OTUD7A: variants seen among roughly 807,000 people sequenced by gnomAD.
The protein encoded by OTUD7A is OTU domain-containing protein 7A.
A neutral mutation model predicts 65.7 loss-of-function variants in OTUD7A; 12 were observed. The observed-to-expected ratio is 0.18, with a 90% CI of 0.12 to 0.30. The LOEUF (loss-of-function observed/expected upper bound fraction) is 0.30, where lower values mean the gene tolerates loss of function less well. OTUD7A is among the 10% of genes least tolerant of loss of function. The probability of loss-of-function intolerance (pLI) is 1.00; values close to 1 mark genes in which losing one functional copy is unlikely to be tolerated. For missense variants in OTUD7A, 1,148 were observed against 1,304.8 expected (o/e 0.88, Z 1.85); for synonymous variants, 641 against 586.3 (o/e 1.09, Z -1.35).
At chr15:31,766,784 A>G in intron 1 of OTUD7A, 3 of 1,613,050 alleles carry the variant, frequency 1.9e-6, no homozygotes, top group Non-Finnish European at 2.5e-6. Context: ...TGAAGATTCA[A>G]CAGGAATTCC....
intron 1 of OTUD7A, among the ~76,000 whole-genome samples, chr15:31,861,627 C>T (rs1345446406): frequency 1.3e-5 from 2 of 152,154 alleles, no homozygotes; most frequent in African/African-American, 4.8e-5. Flanking sequence ...GACCCAAGAG[C>T]TGAGTTCACA....
chr15:31,620,092 C>T (rs1242371897), intron 3 of OTUD7A, among the ~76,000 whole-genome samples: 2 of 152,158 alleles, frequency 1.3e-5, no homozygotes, highest in African/African-American at 2.4e-5. Context: ...TATGTTGAAC[C>T]AGCCTTGCAT....
chr15:31,833,525 G>C (rs747069080), intron 1 of OTUD7A, among the ~76,000 whole-genome samples: 72 of 152,246 alleles, frequency 4.7e-4, no homozygotes, highest in Non-Finnish European at 9.0e-4. Flanking sequence ...CTTGCAGCAA[G>C]TGGTATTTAT....
At position 31,771,154 on chromosome 15, in the gene OTUD7A, G is replaced by T. The variant is rs572166547; in HGVS notation, c.-100+99353C>A. On this transcript the variant is annotated intron_variant, in intron 1 of 12. Transcript: ENST00000307050. The stretch of plus-strand genomic sequence containing the variant: ...AGTTTTTTAGAAAATTATAAAAAAT[G>T]TACAGAAAAATTACTAGAACTAACA... 5.9e-5 allele frequency among the ~76,000 whole-genome samples: 9 copies of T among 152,306 alleles called. No individual in the cohort carries two copies. The South Asian group carries it at 1.2e-3, about 21-fold the overall frequency.
intron 3 of OTUD7A, among the ~76,000 whole-genome samples, chr15:31,586,362 T>C (rs977026635): frequency 1.5e-4 from 23 of 152,200 alleles, no homozygotes; most frequent in African/African-American, 4.6e-4. Context: ...ACAACATGGC[T>C]ATGGTGTGTT....
rs146123019 is a variant in OTUD7A at position 31,596,178 on chromosome 15, A to G, written c.152-25981T>C. Among the ~76,000 whole-genome samples, 4 of 152,300 alleles carry G rather than the reference A, an allele frequency of 2.6e-5. No homozygotes were observed. The East Asian group carries it at 7.7e-4, about 29-fold the overall frequency. The stretch of plus-strand genomic sequence containing the variant: ...AACAGGAATCTTGAGGGACATCTGT[A>G]GAATCTTGTCTTCTACATGGCCCCT... On this transcript the variant is annotated intron_variant, in intron 3 of 12. Transcript: ENST00000307050.
chr15:31,594,555 C>T (rs1170211719), intron 3 of OTUD7A, among the ~76,000 whole-genome samples: 1 of 152,222 alleles, frequency 6.6e-6, no homozygotes, highest in East Asian at 1.9e-4. Context: ...GCCAGGTCAT[C>T]AAGCCCAGAG....
intron 6 of OTUD7A, 54 bp from the exon 7 acceptor site, chr15:31,527,362 A>G (rs1320817004): frequency 1.0e-5 from 16 of 1,586,432 alleles, no homozygotes; most frequent in Non-Finnish European, 1.3e-5. Flanking sequence ...GAGAAAAGAC[A>G]AGCCAGAGGT....
chr15:31,634,373 G>A (rs1242720812), intron 3 of OTUD7A, among the ~76,000 whole-genome samples: 3 of 152,154 alleles, frequency 2.0e-5, no homozygotes, highest in East Asian at 1.9e-4. Context: ...ATGACCTCGC[G>A]TTGGGTGTCT....
At chr15:31,838,657 A>AC (rs5811666) in intron 1 of OTUD7A, among the ~76,000 whole-genome samples, 3,739 of 144,640 alleles carry the variant, frequency 0.026, 63 homozygotes, top group African/African-American at 0.047. Flanking sequence ...GATCTCAAAG[A>AC]CCCCCCCCCA....
intron 1 of OTUD7A, among the ~76,000 whole-genome samples, chr15:31,720,187 G>A (rs1013165397): frequency 6.7e-6 from 1 of 150,066 alleles, no homozygotes; most frequent in Non-Finnish European, 1.5e-5. Context: ...AGACTAACAG[G>A]GAGCCCGGTG....
At chr15:31,698,416 A>C (rs990110758) in intron 1 of OTUD7A, among the ~76,000 whole-genome samples, 3 of 152,136 alleles carry the variant, frequency 2.0e-5, no homozygotes, top group African/African-American at 7.2e-5. Context: ...GGCACTGACA[A>C]GCCTGAACAG....
chr15:31,783,450 A>C (rs746768246), intron 1 of OTUD7A, among the ~76,000 whole-genome samples: 2 of 152,210 alleles, frequency 1.3e-5, no homozygotes, highest in African/African-American at 4.8e-5. Context: ...AAGCCGCACA[A>C]ATTAAGGCAA....
intron 10 of OTUD7A, among the ~76,000 whole-genome samples, chr15:31,494,732 A>G (rs1457243043): frequency 6.6e-6 from 1 of 152,124 alleles, no homozygotes; most frequent in Non-Finnish European, 1.5e-5. Context: ...AGAGAGCAGA[A>G]CCAGGATGTC....
At chr15:31,840,199 C>A (rs1270980306) in intron 1 of OTUD7A, among the ~76,000 whole-genome samples, 1 of 152,090 alleles carries the variant, frequency 6.6e-6, no homozygotes, top group Admixed American at 6.5e-5. Flanking sequence ...GTGAGTGGAT[C>A]ACCTGAGGTC....
intron 1 of OTUD7A, among the ~76,000 whole-genome samples, chr15:31,863,422 C>T (rs934387934): frequency 2.6e-5 from 4 of 152,222 alleles, no homozygotes; most frequent in Non-Finnish European, 5.9e-5. Context: ...TTTACCTGGG[C>T]ATCCAGGCAT....
At chr15:31,729,561 T>A (rs58067016) in intron 1 of OTUD7A, among the ~76,000 whole-genome samples, 1 of 152,222 alleles carries the variant, frequency 6.6e-6, no homozygotes, top group Non-Finnish European at 1.5e-5. Flanking sequence ...AGATCTGATA[T>A]CTAGTTTACC....
chr15:31,770,820 GAACA>G (rs1895215194), intron 1 of OTUD7A, among the ~76,000 whole-genome samples: 1 of 152,072 alleles, frequency 6.6e-6, no homozygotes, highest in Non-Finnish European at 1.5e-5. Flanking sequence ...ACTAGATACA[GAACA>G]TACAGGAAAG....
chr15:31,774,194 A>G (rs1007563230), intron 1 of OTUD7A, among the ~76,000 whole-genome samples: 2 of 152,188 alleles, frequency 1.3e-5, no homozygotes, highest in Non-Finnish European at 2.9e-5. Context: ...CCTGGGCCAT[A>G]CAAAAAGCCA....
Sources: allele counts gnomAD v4.1 joint callset (sites outside exome capture counted in the v4.1 genomes callset), GRCh38; gene constraint gnomAD v4.1.1; transcripts MANE v1.5; gene names NCBI Gene and HGNC (gene_info 2026-07-23, HGNC 2026-07-21).